Variants in ZNF805 observed in about 807,000 individuals in gnomAD.
ZNF805 encodes zinc finger protein 805, also known as CTC-444N24.8.
Under a neutral mutation model 13.6 loss-of-function variants are expected in ZNF805, and 7 were observed. That is an observed-to-expected ratio of 0.51 (90% confidence interval 0.29 to 0.97). The LOEUF is 0.97. ZNF805 is among the 50% of genes least tolerant of loss of function. The pLI, the probability that ZNF805 is intolerant of heterozygous loss-of-function variation, is 0.08. For synonymous variants in ZNF805, 293 were observed against 279.8 expected, an observed-to-expected ratio of 1.05 and a Z score of -0.47; for missense variants, 604 against 771.0, an observed-to-expected ratio of 0.78 and a Z score of 2.57.
At chr19:57,241,911 C>T (rs1431478769) in intron 1 of ZNF805, among the ~76,000 whole-genome samples, 1 of 152,194 alleles carries the variant, frequency 6.6e-6, no homozygotes, top group Non-Finnish European at 1.5e-5. Context: ...CTTGGTCTAG[C>T]GTTTTTGTAT....
Sources: allele counts gnomAD v4.1 joint callset (sites outside exome capture counted in the v4.1 genomes callset), GRCh38; gene constraint gnomAD v4.1.1; transcripts MANE v1.5; gene names NCBI Gene and HGNC (gene_info 2026-07-23, HGNC 2026-07-21).